Variants in ATF7IP2 observed in about 807,000 individuals in gnomAD.
The protein encoded by ATF7IP2 is activating transcription factor 7-interacting protein 2.
Under a neutral mutation model 64.2 loss-of-function variants are expected in ATF7IP2, and 42 were observed. That is an observed-to-expected ratio of 0.65 (90% CI 0.51 to 0.85). ATF7IP2 has a LOEUF of 0.85. ATF7IP2 is among the 40% of genes least tolerant of loss of function. ATF7IP2 has a pLI of 0.00. For synonymous variants in ATF7IP2, 308 were observed against 272.8 expected, an observed-to-expected ratio of 1.13 and a Z score of -1.27; for missense variants, 933 against 784.2, an observed-to-expected ratio of 1.19 and a Z score of -2.27.
intron 1 of ATF7IP2, among the ~76,000 whole-genome samples, chr16:10,388,503 G>A (rs567794894): frequency 6.6e-5 from 10 of 152,282 alleles, no homozygotes; most frequent in African/African-American, 2.2e-4. Context: ...ACAGTATGCT[G>A]ATGTGAAATA....
rs540035570 is a variant in ATF7IP2, at chr16:10,407,717, G to A, written c.-241-6857G>A. On this transcript the variant is annotated intron_variant, in intron 1 of 13. Coordinates refer to ENST00000562102, the MANE Select transcript of ATF7IP2 (RefSeq NM_001393719.1). ...TACATAAGTTCTTTAGTGGTGATTT[G>A]TGAGATTTTGGTGCACCCATCACCC... Among the ~76,000 whole-genome samples the A allele has an allele frequency of 5.9e-4, 90 of 152,226 alleles. No individual in the cohort carries two copies. The Middle Eastern group carries it at 0.014, about 23-fold the overall frequency.
intron 9 of ATF7IP2, among the ~76,000 whole-genome samples, chr16:10,464,871 C>T (rs1157188952): frequency 6.6e-6 from 1 of 152,202 alleles, no homozygotes; most frequent in Non-Finnish European, 1.5e-5. Context: ...CTCTTGTTAT[C>T]CAGGCTGGAG....
chr16:10,435,206 C>T (rs775490736), intron 6 of ATF7IP2, among the ~76,000 whole-genome samples: 2 of 152,226 alleles, frequency 1.3e-5, no homozygotes, highest in African/African-American at 2.4e-5. Flanking sequence ...TAGCCCTCCC[C>T]GTCATTCTGA....
chr16:10,434,534 A>C (rs373878459), intron 6 of ATF7IP2, among the ~76,000 whole-genome samples: 3 of 152,104 alleles, frequency 2.0e-5, no homozygotes, highest in Non-Finnish European at 2.9e-5. Flanking sequence ...ACCTAATAAT[A>C]AGGGAAAATA....
intron 12 of ATF7IP2, among the ~76,000 whole-genome samples, chr16:10,475,402 T>C (rs146437710): frequency 6.7e-4 from 102 of 152,212 alleles, no homozygotes; most frequent in Admixed American, 2.7e-3. Context: ...TTTTAAAATA[T>C]CCAAACTGGC....
chr16:10,454,567 T>G (rs2049105069), intron 8 of ATF7IP2, among the ~76,000 whole-genome samples: 2 of 150,428 alleles, frequency 1.3e-5, no homozygotes, highest in Non-Finnish European at 2.9e-5. Context: ...TATCATTTGT[T>G]TTCTTTATTT....
intron 1 of ATF7IP2, among the ~76,000 whole-genome samples, chr16:10,388,678 T>C (rs1360361572): frequency 6.6e-6 from 1 of 152,154 alleles, no homozygotes; most frequent in Non-Finnish European, 1.5e-5. Flanking sequence ...TAAACAGCAT[T>C]AAAACTACTG....
intron 2 of ATF7IP2, among the ~76,000 whole-genome samples, chr16:10,415,378 G>A (rs2047850948): frequency 6.6e-6 from 1 of 152,176 alleles, no homozygotes; most frequent in Non-Finnish European, 1.5e-5. Context: ...ACATTTGCGA[G>A]AAGACAGTCT....
chr16:10,468,589 GT>G (rs1266407630), intron 9 of ATF7IP2, among the ~76,000 whole-genome samples: 4 of 152,190 alleles, frequency 2.6e-5, no homozygotes, highest in African/African-American at 9.7e-5. Context: ...GTCTTGCTGA[GT>G]TTAGGTCAGA....
At chr16:10,418,148 G>A (rs1193524202) in intron 2 of ATF7IP2, among the ~76,000 whole-genome samples, 10 of 152,190 alleles carry the variant, frequency 6.6e-5, no homozygotes, top group Non-Finnish European at 1.3e-4. Flanking sequence ...ACTAAAATGG[G>A]AAACAAAGGG....
At chr16:10,404,330 G>T (rs1596445847) in intron 1 of ATF7IP2, among the ~76,000 whole-genome samples, 1 of 152,142 alleles carries the variant, frequency 6.6e-6, no homozygotes, top group South Asian at 2.1e-4. Flanking sequence ...TCTGCTCACT[G>T]CACCTTCCGC....
At chr16:10,435,492 A>G (rs1441197363) in intron 6 of ATF7IP2, among the ~76,000 whole-genome samples, 1 of 152,212 alleles carries the variant, frequency 6.6e-6, no homozygotes, top group African/African-American at 2.4e-5. Context: ...GCACATTACC[A>G]TTGGTAAAAA....
intron 2 of ATF7IP2, among the ~76,000 whole-genome samples, chr16:10,419,279 CAGAT>C (rs1156864317): frequency 2.6e-5 from 4 of 152,276 alleles, no homozygotes; most frequent in East Asian, 1.9e-4. Flanking sequence ...CTTTCCCAAA[CAGAT>C]AGGTGAATGT....
intron 1 of ATF7IP2, chr16:10,387,205 A>G (rs2047219720): frequency 6.6e-6 from 1 of 152,260 alleles, no homozygotes. Context: ...AGATAAAGAT[A>G]AGTTATATCA....
chr16:10,481,004 A>G (rs773194384), intron 13 of ATF7IP2, 40 bp downstream of exon 13: 2 of 1,429,844 alleles, frequency 1.4e-6, no homozygotes, highest in Non-Finnish European at 2.0e-6. Context: ...ATTTATTCCA[A>G]ATTGAGTGGG....
At chr16:10,404,843 A>G (rs2047604462) in intron 1 of ATF7IP2, among the ~76,000 whole-genome samples, 1 of 152,174 alleles carries the variant, frequency 6.6e-6, no homozygotes. Flanking sequence ...GGGCCCAACC[A>G]GAAGTAACCT....
chr16:10,453,159 T>G (rs1368927361), intron 8 of ATF7IP2, among the ~76,000 whole-genome samples: 2 of 152,150 alleles, frequency 1.3e-5, no homozygotes, highest in Non-Finnish European at 2.9e-5. Context: ...TGCACCTAAC[T>G]CAGTGTCTGC....
At chr16:10,427,709 A>G (rs890397497) in intron 3 of ATF7IP2, among the ~76,000 whole-genome samples, 1 of 152,104 alleles carries the variant, frequency 6.6e-6, no homozygotes, top group Non-Finnish European at 1.5e-5. Flanking sequence ...TTTTTTACAA[A>G]TTAGCCAGTT....
At chr16:10,388,763 C>G (rs999218307) in intron 1 of ATF7IP2, among the ~76,000 whole-genome samples, 2 of 152,162 alleles carry the variant, frequency 1.3e-5, no homozygotes, top group African/African-American at 4.8e-5. Flanking sequence ...GTAATCCCAG[C>G]ACTTTGGGAG....
Sources: allele counts gnomAD v4.1 joint callset (sites outside exome capture counted in the v4.1 genomes callset), GRCh38; gene constraint gnomAD v4.1.1; transcripts MANE v1.5; gene names NCBI Gene and HGNC (gene_info 2026-07-23, HGNC 2026-07-21).